Variants in PHIP observed in about 807,000 individuals in gnomAD.
PHIP encodes PH-interacting protein.
In PHIP, 54 loss-of-function variants were observed where a neutral mutation model predicts 236.8. The ratio of observed to expected loss-of-function variants is 0.23; its 90% confidence interval spans 0.18 to 0.29. PHIP has a LOEUF of 0.29. Ranked by LOEUF, PHIP falls within the 10% of genes least tolerant of loss-of-function variation. The pLI, the probability that PHIP is intolerant of heterozygous loss-of-function variation, is 1.00. For missense variants in PHIP, 1,370 were observed against 2,190.8 expected (o/e 0.63, Z 7.48); for synonymous variants, 756 against 718.9 (o/e 1.05, Z -0.83).
At chr6:79,043,645 G>A (rs1340698465) in intron 6 of PHIP, among the ~76,000 whole-genome samples, 2 of 152,010 alleles carry the variant, frequency 1.3e-5, no homozygotes, top group African/African-American at 4.8e-5. Flanking sequence ...AGATCTGACT[G>A]AAGTTTATCT....
At chr6:78,944,990 C>A (rs954357446) in intron 39 of PHIP, among the ~76,000 whole-genome samples, 1 of 151,876 alleles carries the variant, frequency 6.6e-6, no homozygotes, top group Non-Finnish European at 1.5e-5. Flanking sequence ...GTTTTGTGAT[C>A]CAATAATTAC....
At chr6:79,033,121 G>A (rs898016004) in intron 7 of PHIP, among the ~76,000 whole-genome samples, 2 of 151,688 alleles carry the variant, frequency 1.3e-5, no homozygotes, top group African/African-American at 2.4e-5. Context: ...AGTAAACCAC[G>A]CTATAAAAAG....
chr6:78,935,117 C>T lies in PHIP; in HGVS notation c.*5576G>A, dbSNP rs138704146. 3.0e-4 allele frequency among the ~76,000 whole-genome samples: 46 copies of T among 152,208 alleles called. No homozygotes were observed. Among genetic ancestry groups the T allele is most frequent in the African/African-American group, 1.1e-3 (44 of 41,548 alleles). Reference sequence around the variant, plus strand: ...AAGAGAAATAAGTAAAGAGTGGTTGCTGAAAGGTAATTTTTCTTGGCTGGT... The same window carrying T: ...AAGAGAAATAAGTAAAGAGTGGTTGTTGAAAGGTAATTTTTCTTGGCTGGT... On this transcript the variant is annotated 3_prime_UTR_variant, in exon 40 of 40. Coordinates refer to ENST00000275034, the MANE Select transcript of PHIP (RefSeq NM_017934.7).
intron 6 of PHIP, among the ~76,000 whole-genome samples, chr6:79,047,440 A>C (rs996542538): frequency 6.6e-6 from 1 of 152,224 alleles, no homozygotes; most frequent in Non-Finnish European, 1.5e-5. Flanking sequence ...AGAAAAACCC[A>C]TAATTCTATT....
chr6:78,968,481 T>C (rs1333636789), intron 27 of PHIP, among the ~76,000 whole-genome samples: 1 of 152,208 alleles, frequency 6.6e-6, no homozygotes, highest in Non-Finnish European at 1.5e-5. Context: ...GGGCCAACTT[T>C]TCACATCGGG....
chr6:79,044,643 G>A (rs7739298), intron 6 of PHIP, among the ~76,000 whole-genome samples: 140,901 of 152,206 alleles, frequency 0.93, 65,316 homozygotes, highest in East Asian at 1. Context: ...TATTACCAAG[G>A]TGTACTTTAA....
chr6:79,078,136 C>T lies in PHIP; in HGVS notation c.-68G>A, dbSNP rs1712581306. On this transcript the variant is annotated 5_prime_UTR_variant, in exon 1 of 40. Transcript: ENST00000275034. ...CCGAGGGGAAGCGGGGACGGTGCCG[C>T]CGCCTGCCCTATAGCTGTCAGTGTG... is the stretch of plus-strand genomic sequence containing the variant. The T allele has an allele frequency of 2.6e-6, 4 of 1,513,158 alleles. No individual in the cohort carries two copies. Among genetic ancestry groups the T allele is most frequent in the Admixed American group, 3.5e-5 (2 of 57,882 alleles). The allele number at this position is 1,513,158 out of a possible 1,614,324, so 93.7% of individuals were successfully genotyped here.
Position 79,019,070 on chromosome 6 carries a change from T to C in PHIP, c.994+19A>G. Reference sequence around the variant, plus strand: ...AAATGAACAACTTTAAGTCGAAAATTAGAATGAGGGAAACTTACCAGCACT... The same window carrying C: ...AAATGAACAACTTTAAGTCGAAAATCAGAATGAGGGAAACTTACCAGCACT... On this transcript the variant is annotated intron_variant, in intron 10 of 39. Coordinates refer to ENST00000275034, the MANE Select transcript of PHIP (RefSeq NM_017934.7). The C allele has an allele frequency of 6.3e-7, 1 of 1,581,590 alleles. No homozygotes were observed. Among genetic ancestry groups the C allele is most frequent in the Non-Finnish European group, 8.7e-7 (1 of 1,150,874 alleles).
chr6:79,065,617 C>A (rs906418895), intron 4 of PHIP, among the ~76,000 whole-genome samples: 2 of 152,096 alleles, frequency 1.3e-5, no homozygotes, highest in Non-Finnish European at 2.9e-5. Flanking sequence ...AGTCTGTTTT[C>A]TTGGTTGCAC....
intron 39 of PHIP, among the ~76,000 whole-genome samples, chr6:78,943,491 A>G (rs186124946): frequency 1.3e-5 from 2 of 152,352 alleles, no homozygotes; most frequent in East Asian, 1.9e-4. Context: ...GAAAGGGGGC[A>G]GATTATTAAA....
chr6:79,029,908 T>A (rs1771588128), intron 7 of PHIP, among the ~76,000 whole-genome samples: 1 of 152,204 alleles, frequency 6.6e-6, no homozygotes, highest in South Asian at 2.1e-4. Context: ...TTTGAACGGA[T>A]ACACTCTCTT....
intron 6 of PHIP, among the ~76,000 whole-genome samples, chr6:79,053,105 C>T (rs1273167573): frequency 2.0e-5 from 3 of 151,968 alleles, no homozygotes; most frequent in Admixed American, 6.6e-5. Context: ...CTTGAGGTCA[C>T]GAGTTCGAGA....
At chr6:79,041,046 T>A (rs1772184435) in intron 7 of PHIP, among the ~76,000 whole-genome samples, 1 of 152,118 alleles carries the variant, frequency 6.6e-6, no homozygotes, top group Non-Finnish European at 1.5e-5. Context: ...GAATCAAATG[T>A]CTAGAAAAGG....
At chr6:78,980,623 T>C (rs898168224) in intron 23 of PHIP, among the ~76,000 whole-genome samples, 5 of 151,920 alleles carry the variant, frequency 3.3e-5, no homozygotes, top group Non-Finnish European at 7.4e-5. Flanking sequence ...AGGAGTAAAA[T>C]GATATCCAAA....
intron 19 of PHIP, among the ~76,000 whole-genome samples, chr6:78,991,340 T>C (rs1039834330): frequency 1.3e-5 from 2 of 148,844 alleles, no homozygotes; most frequent in African/African-American, 5.0e-5. Context: ...GGGCCTATGC[T>C]TTGATAATCT....
At chr6:78,971,770 C>T (rs924755962) in intron 24 of PHIP, among the ~76,000 whole-genome samples, 7 of 152,140 alleles carry the variant, frequency 4.6e-5, no homozygotes, top group Admixed American at 2.0e-4. Flanking sequence ...GGGTGACGGA[C>T]GGCACCTGGA....
In PHIP at chr6:78,938,607, A is replaced by C. The variant is rs905369874; in HGVS notation, c.*2086T>G. The C allele has an allele frequency of 6.6e-6, 1 of 151,696 alleles. No homozygotes were observed. The highest frequency in any genetic ancestry group is 1.5e-5 in the Non-Finnish European group (1 of 67,608). 9.4% of individuals were successfully genotyped at this position (151,696 alleles called of 1,614,324 possible). A position where few individuals can be genotyped will look rare whatever the true frequency, so the allele number is the denominator to read the frequency against. On this transcript the variant is annotated 3_prime_UTR_variant, in exon 40 of 40. Coordinates refer to ENST00000275034, the MANE Select transcript of PHIP (RefSeq NM_017934.7). ...CAAGAATGGTGTAACTGAAAGACTCATTTTTCTATACAATCAAGCCATCCA... is the reference window on the plus strand; with the variant it reads ...CAAGAATGGTGTAACTGAAAGACTCCTTTTTCTATACAATCAAGCCATCCA...
At chr6:78,998,980 A>T (rs1273180484) in intron 17 of PHIP, among the ~76,000 whole-genome samples, 1 of 152,138 alleles carries the variant, frequency 6.6e-6, no homozygotes, top group Non-Finnish European at 1.5e-5. Context: ...GAGTTAATAC[A>T]GAGTATGAAA....
intron 4 of PHIP, among the ~76,000 whole-genome samples, chr6:79,069,858 G>A (rs1331551861): frequency 3.3e-5 from 5 of 151,788 alleles, no homozygotes; most frequent in Non-Finnish European, 7.4e-5. Flanking sequence ...AAGCTTCAAA[G>A]AATATGTCAT....
Sources: gnomAD v4.1 joint callset for allele counts (sites outside exome capture counted in the v4.1 genomes callset) on GRCh38, gnomAD v4.1.1 for gene constraint, MANE v1.5 for transcripts, NCBI Gene and HGNC (gene_info 2026-07-23, HGNC 2026-07-21) for gene names.